TNFRSF10A: variants seen among roughly 807,000 people sequenced by gnomAD.
The protein encoded by TNFRSF10A is TNF receptor superfamily member 10a.
A neutral mutation model predicts 42.8 loss-of-function variants in TNFRSF10A; 44 were observed. The observed-to-expected ratio is 1.03, with a 90% CI of 0.81 to 1.32. The LOEUF is 1.32. Ranked by LOEUF, TNFRSF10A falls within the 40% of genes most tolerant of loss-of-function variation. The pLI is 0.00. For missense variants in TNFRSF10A, 680 were observed against 602.0 expected (o/e 1.13, Z -1.36); for synonymous variants, 259 against 234.2 (o/e 1.11, Z -0.97).
At chr8:23,212,289 C>T (rs1585285873) in intron 1 of TNFRSF10A, 77 bp from the exon 2 acceptor site, 4 of 1,264,034 alleles carry the variant, frequency 3.2e-6, no homozygotes, top group East Asian at 2.4e-5. Context: ...ACATTCCATT[C>T]CCCCAAGCCT....
Position 23,190,702 on chromosome 8 carries a change from A to G in TNFRSF10A, c.*992T>C, listed in dbSNP as rs561458963. 6.6e-6 allele frequency: 1 copy of G among 152,322 alleles called. No individual in the cohort carries two copies. Among genetic ancestry groups the G allele is most frequent in the South Asian group, 2.1e-4 (1 of 4,828 alleles). 9.4% of individuals were successfully genotyped at this position (152,322 alleles called of 1,614,324 possible). ...AATGTTGTGGGGTAAATGACTATAT[A>G]TGAAATGGGACTTATTGGAGGAATT... On this transcript the variant is annotated 3_prime_UTR_variant, in exon 10 of 10. Transcript: ENST00000221132.
At chr8:23,219,341 G>A (rs12056510) in intron 1 of TNFRSF10A, among the ~76,000 whole-genome samples, 17,328 of 116,524 alleles carry the variant, frequency 0.15, 2,128 homozygotes, top group East Asian at 0.55. Context: ...CAGGTCACAG[G>A]TTCCAGGCTA....
At chr8:23,214,649 A>G (rs544191783) in intron 1 of TNFRSF10A, among the ~76,000 whole-genome samples, 32 of 152,302 alleles carry the variant, frequency 2.1e-4, no homozygotes, top group African/African-American at 6.0e-4. Context: ...TTTGTGGCCT[A>G]ACATATAGTG....
rs140805563 is a variant in TNFRSF10A at position 23,199,421 on chromosome 8, G to A, written c.859C>T (p.Arg287Ter). 3.1e-5 allele frequency: 50 copies of A among 1,612,556 alleles called. No homozygotes were observed. Among genetic ancestry groups the A allele is most frequent in the African/African-American group, 4.0e-5 (3 of 74,878 alleles). ...GCATTGTCCTCAGCCCCAGGCCCTCGTAGGAGACCCAAGCGCCAGAAACAC... is the reference window on the plus strand; with the variant it reads ...GCATTGTCCTCAGCCCCAGGCCCTCATAGGAGACCCAAGCGCCAGAAACAC... ...RVCFWRLGLL[R>*]GPGAEDNAHN... The change falls in exon 8 of 10, where the codon CGA becomes TGA. Residue 287 changes from arginine (R) to a stop codon, truncating the protein, a stop_gained. Coordinates refer to ENST00000221132, the MANE Select transcript of TNFRSF10A (RefSeq NM_003844.4). LOFTEE classifies it high-confidence loss of function.
At chr8:23,222,004 G>A (rs1801263399) in intron 1 of TNFRSF10A, among the ~76,000 whole-genome samples, 1 of 152,006 alleles carries the variant, frequency 6.6e-6, no homozygotes. Flanking sequence ...AGCCTCCCGA[G>A]TAGCTGGGAC....
chr8:23,191,621 GT>G lies in TNFRSF10A; in HGVS notation c.*72del. ...GGCTAAGAATTTACTTTGTATACAT[GT>G]TAAAAAAAAAAAAAACCTAATATGT... On this transcript the variant is annotated 3_prime_UTR_variant, in exon 10 of 10. Transcript: ENST00000221132. The G allele has an allele frequency of 7.4e-7, 1 of 1,356,432 alleles. No individual in the cohort carries two copies. The allele number at this position is 1,356,432 out of a possible 1,614,324, so 84.0% of individuals were successfully genotyped here. A position where few individuals can be genotyped will look rare whatever the true frequency, so the allele number is the denominator to read the frequency against.
intron 9 of TNFRSF10A, among the ~76,000 whole-genome samples, chr8:23,193,297 C>T (rs759845688): frequency 2.4e-4 from 37 of 152,158 alleles, no homozygotes; most frequent in Middle Eastern, 3.2e-3. Context: ...GCAGTTGCCC[C>T]GCTAACTTTG....
At chr8:23,218,773 T>C (rs1477451106) in intron 1 of TNFRSF10A, among the ~76,000 whole-genome samples, 1 of 152,202 alleles carries the variant, frequency 6.6e-6, no homozygotes, top group Non-Finnish European at 1.5e-5. Context: ...TTGCTCATCC[T>C]CCTGCCCAGC....
At chr8:23,195,690 G>T (rs949505922) in intron 9 of TNFRSF10A, among the ~76,000 whole-genome samples, 1 of 152,154 alleles carries the variant, frequency 6.6e-6, no homozygotes, top group Non-Finnish European at 1.5e-5. Flanking sequence ...AACTTATTTT[G>T]CAGGTACATT....
Position 23,191,623 on chromosome 8 carries a change from TA to T in TNFRSF10A, c.*70del, listed in dbSNP as rs34127830. 36,608 of 1,219,894 alleles carry T rather than the reference TA, an allele frequency of 0.03. 83 individuals are homozygous for T. Among genetic ancestry groups the T allele is most frequent in the African/African-American group, 0.081 (4,971 of 61,554 alleles). 75.6% of individuals were successfully genotyped at this position (1,219,894 alleles called of 1,614,324 possible). On this transcript the variant is annotated 3_prime_UTR_variant, in exon 10 of 10. Transcript: ENST00000221132. Reference sequence around the variant, plus strand: ...CTAAGAATTTACTTTGTATACATGTTAAAAAAAAAAAAAACCTAATATGTAT... The same window carrying T: ...CTAAGAATTTACTTTGTATACATGTTAAAAAAAAAAAAACCTAATATGTAT...
intron 4 of TNFRSF10A, among the ~76,000 whole-genome samples, chr8:23,201,461 T>G (rs183786316): frequency 1.1e-4 from 16 of 152,352 alleles, no homozygotes; most frequent in African/African-American, 3.8e-4. Context: ...TTCTATACCA[T>G]TATTTTCTTA....
At chr8:23,223,259 G>A (rs1166124679) in intron 1 of TNFRSF10A, among the ~76,000 whole-genome samples, 5 of 152,120 alleles carry the variant, frequency 3.3e-5, no homozygotes, top group Non-Finnish European at 7.4e-5. Context: ...TAGAGACGGG[G>A]TTTCACCGTG....
chr8:23,216,437 A>T (rs1801181656), intron 1 of TNFRSF10A, among the ~76,000 whole-genome samples: 1 of 152,162 alleles, frequency 6.6e-6, no homozygotes, highest in African/African-American at 2.4e-5. Flanking sequence ...GAAGATTTTC[A>T]TCATCATCCC....
At chr8:23,204,830 A>G (rs1244177695) in intron 2 of TNFRSF10A, among the ~76,000 whole-genome samples, 1 of 152,176 alleles carries the variant, frequency 6.6e-6, no homozygotes, top group African/African-American at 2.4e-5. Flanking sequence ...AAATCAAAAG[A>G]GAAATCAGAA....
At chr8:23,221,743 T>G (rs1406057861) in intron 1 of TNFRSF10A, among the ~76,000 whole-genome samples, 1 of 152,238 alleles carries the variant, frequency 6.6e-6, no homozygotes, top group African/African-American at 2.4e-5. Flanking sequence ...AAAAAATTCC[T>G]GGATCCTTGA....
At chr8:23,209,429 G>A (rs971199839) in intron 2 of TNFRSF10A, among the ~76,000 whole-genome samples, 2 of 152,168 alleles carry the variant, frequency 1.3e-5, no homozygotes, top group East Asian at 1.9e-4. Context: ...CTTATACACC[G>A]TGCACCTAGA....
At position 23,197,165 on chromosome 8, in the gene TNFRSF10A, G is replaced by C; in HGVS notation, c.1054C>G (p.Leu352Val). 6.2e-7 allele frequency: 1 copy of C among 1,614,178 alleles called. No homozygotes were observed. Reference sequence around the variant, plus strand: ...GGGTCAGCACCATTTGCTGGAACCAGCAGCCTCCTCCTCTGAGACCCTTCA... The same window carrying C: ...GGGTCAGCACCATTTGCTGGAACCACCAGCCTCCTCCTCTGAGACCCTTCA... Reference protein sequence around the residue: ...EAEGSQRRRLLVPANGADPTE... With the variant: ...EAEGSQRRRLVVPANGADPTE... Residue 352 changes from leucine (L) to valine (V), a missense_variant, in exon 9 of 10, where the codon CTG (leucine) becomes GTG (valine). Physicochemically the swap from Leu to Val is conservative, Grantham distance 32. Coordinates refer to ENST00000221132, the MANE Select transcript of TNFRSF10A (RefSeq NM_003844.4).
chr8:23,214,800 C>G (rs1801153816), intron 1 of TNFRSF10A, among the ~76,000 whole-genome samples: 1 of 152,142 alleles, frequency 6.6e-6, no homozygotes, highest in Admixed American at 6.5e-5. Context: ...AAGCAGGATA[C>G]TGAATCAAAT....
rs73671079 is a variant in TNFRSF10A, at chr8:23,199,499, G to A, written c.832-51C>T. The A allele has an allele frequency of 1.4e-3, 2,248 of 1,587,590 alleles. 35 individuals are homozygous for A. The African/African-American group carries it at 0.025, about 18-fold the overall frequency. On this transcript the variant is annotated intron_variant, in intron 7 of 9. Transcript: ENST00000221132. ...GAAGCCCACACCCAGGGCTCCCCAC[G>A]GGGTCCGTAGGGCACGGCTGGACCT...
Sources: allele counts gnomAD v4.1 joint callset (sites outside exome capture counted in the v4.1 genomes callset), GRCh38; gene constraint gnomAD v4.1.1; transcripts MANE v1.5; gene names NCBI Gene and HGNC (gene_info 2026-07-23, HGNC 2026-07-21).